Variants in LMNA observed in about 807,000 individuals in gnomAD.
The protein encoded by LMNA is lamin.
In LMNA, 20 loss-of-function variants were observed where a neutral mutation model predicts 70.4. The observed-to-expected ratio is 0.28, with a 90% CI of 0.20 to 0.41. The LOEUF (loss-of-function observed/expected upper bound fraction) is 0.41, where lower values mean the gene tolerates loss of function less well. Among genes scored for constraint, LMNA ranks in the 10% least tolerant of loss-of-function variants. The pLI is 1.00. For synonymous variants in LMNA, 339 were observed against 372.8 expected (o/e 0.91, Z 1.04); for missense variants, 652 against 917.2 (o/e 0.71, Z 3.73).
At chr1:156,124,210 A>T (rs1650388775) in intron 1 of LMNA, among the ~76,000 whole-genome samples, 1 of 151,990 alleles carries the variant, frequency 6.6e-6, no homozygotes, top group Non-Finnish European at 1.5e-5. Flanking sequence ...TGATATTCAG[A>T]ACTTCACAGG....
At chr1:156,100,079 C>A (rs149414391) in intron 3 of LMNA, among the ~76,000 whole-genome samples, 3 of 152,176 alleles carry the variant, frequency 2.0e-5, no homozygotes, top group African/African-American at 7.2e-5. Flanking sequence ...CCACTCAGGA[C>A]CCCTCTGCAT....
intron 3 of LMNA, among the ~76,000 whole-genome samples, chr1:156,101,652 G>A (rs1356354753): frequency 7.4e-6 from 1 of 134,456 alleles, no homozygotes; most frequent in Non-Finnish European, 1.6e-5. Context: ...GGGAGGGAGG[G>A]AGGGAGGGAG....
At chr1:156,096,126 C>T (rs1363552776) in intron 3 of LMNA, among the ~76,000 whole-genome samples, 1 of 152,182 alleles carries the variant, frequency 6.6e-6, no homozygotes, top group Non-Finnish European at 1.5e-5. Context: ...TGATTTTCTC[C>T]CTGGCTTTTC....
chr1:156,082,998 AAGCCCGC>A (rs1648326133), exon 2 of LMNA: 1 of 152,260 alleles, frequency 6.6e-6, no homozygotes, highest in Admixed American at 6.5e-5. Flanking sequence ...AGAGAAGACA[AAGCCCGC>A]AGCAGCGATG....
At chr1:156,111,878 G>A (rs1649553973), upstream of LMNA, among the ~76,000 whole-genome samples, 1 of 152,208 alleles carries the variant, frequency 6.6e-6, no homozygotes, top group Admixed American at 6.5e-5. Flanking sequence ...CCTCCAGCAG[G>A]CTCAGCTCCT....
Position 156,135,369 on chromosome 1 carries a change from C to A in LMNA, c.936+57C>A. The A allele has an allele frequency of 1.9e-6, 2 of 1,026,706 alleles. No individual in the cohort carries two copies. The highest frequency in any genetic ancestry group is 2.8e-6 in the Non-Finnish European group (2 of 723,916). The allele number at this position is 1,026,706 out of a possible 1,614,324, so 63.6% of individuals were successfully genotyped here. A position where few individuals can be genotyped will look rare whatever the true frequency, so the allele number is the denominator to read the frequency against. ...GCCTAGAGTCTGGGCCGGATGCAGG[C>A]TGGAAGCCCAGGGTTGGGGGTGGGG... On this transcript the variant is annotated intron_variant, in intron 5 of 11. Coordinates refer to ENST00000368300, the MANE Select transcript of LMNA (RefSeq NM_170707.4). The surrounding 1 kb of genome is among the most constrained non-coding windows in gnomAD (Gnocchi z 4.8).
intron 1 of LMNA, among the ~76,000 whole-genome samples, chr1:156,125,824 A>C (rs1650526036): frequency 6.6e-6 from 1 of 151,928 alleles, no homozygotes; most frequent in South Asian, 2.1e-4. Context: ...CTCCGTCTCT[A>C]CTAAAAATAG....
chr1:156,139,529 AG>A lies in LMNA; in HGVS notation c.*425del, dbSNP rs1341158282. 2 of 1,362,860 alleles carry A rather than the reference AG, an allele frequency of 1.5e-6. No homozygotes were observed. The highest frequency in any genetic ancestry group is 1.9e-6 in the Non-Finnish European group (2 of 1,060,394). 84.4% of individuals were successfully genotyped at this position (1,362,860 alleles called of 1,614,324 possible). A position where few individuals can be genotyped will look rare whatever the true frequency, so the allele number is the denominator to read the frequency against. On this transcript the variant is annotated 3_prime_UTR_variant, in exon 12 of 12. Transcript: ENST00000368300. Reference sequence around the variant, plus strand: ...CATGGTGCCTGAGAGGCAGGCATAGAGGCTTCTCCGCCAGCCTCCTCTGGAC... The same window carrying A: ...CATGGTGCCTGAGAGGCAGGCATAGAGCTTCTCCGCCAGCCTCCTCTGGAC...
Position 156,139,324 on chromosome 1 carries a change from A to G in LMNA, c.*218A>G, listed in dbSNP as rs1651923044. 2.1e-6 allele frequency: 3 copies of G among 1,412,258 alleles called. No individual in the cohort carries two copies. Among genetic ancestry groups the G allele is most frequent in the African/African-American group, 2.9e-5 (2 of 67,808 alleles). The allele number at this position is 1,412,258 out of a possible 1,614,324, so 87.5% of individuals were successfully genotyped here. On this transcript the variant is annotated 3_prime_UTR_variant, in exon 12 of 12. Transcript: ENST00000368300. ...CAAGCAAAAAAAAAAAAAAGCATCTATCTCATCTATCTCAATCCTAATTTC... is the reference window on the plus strand; with the variant it reads ...CAAGCAAAAAAAAAAAAAAGCATCTGTCTCATCTATCTCAATCCTAATTTC...
chr1:156,101,545 G>A (rs1349028902), intron 3 of LMNA, among the ~76,000 whole-genome samples: 1 of 150,662 alleles, frequency 6.6e-6, no homozygotes, highest in Non-Finnish European at 1.5e-5. Context: ...CTGTGGGAAG[G>A]AGAAACAATG....
chr1:156,089,506 G>C (rs1245347949), intron 2 of LMNA, among the ~76,000 whole-genome samples: 1 of 151,718 alleles, frequency 6.6e-6, no homozygotes, highest in Non-Finnish European at 1.5e-5. Flanking sequence ...ATGTTGGTCA[G>C]GCTGGTCTCG....
chr1:156,111,075 A>T (rs1054214657), upstream of LMNA, among the ~76,000 whole-genome samples: 7 of 152,112 alleles, frequency 4.6e-5, no homozygotes, highest in Admixed American at 1.3e-4. Flanking sequence ...ACTTTCAGGA[A>T]TGGGGGTCAC....
rs1001682649 is a variant in LMNA at position 156,138,822 on chromosome 1, G to A, written c.1968+65G>A. 45 of 1,602,260 alleles carry A rather than the reference G, an allele frequency of 2.8e-5. No individual in the cohort carries two copies. The highest frequency in any genetic ancestry group is 3.8e-5 in the Non-Finnish European group (44 of 1,172,060). Reference sequence around the variant, plus strand: ...GTCCCTGGTCATCGAGGGGTAGGACGAGGTGGCCTTGCAGGGGGGAGAGCC... The same window carrying A: ...GTCCCTGGTCATCGAGGGGTAGGACAAGGTGGCCTTGCAGGGGGGAGAGCC... On this transcript the variant is annotated intron_variant, in intron 11 of 11. Transcript: ENST00000368300. The surrounding 1 kb of genome is among the most constrained non-coding windows in gnomAD (Gnocchi z 5.5).
At chr1:156,111,962 G>A (rs1483643630), upstream of LMNA, among the ~76,000 whole-genome samples, 4 of 152,224 alleles carry the variant, frequency 2.6e-5, no homozygotes, top group African/African-American at 9.6e-5. Flanking sequence ...GACATCTGGA[G>A]TCCAGAGTTA....
intron 1 of LMNA, among the ~76,000 whole-genome samples, chr1:156,118,080 T>A (rs1223270629): frequency 6.7e-6 from 1 of 149,120 alleles, no homozygotes; most frequent in Non-Finnish European, 1.5e-5. Flanking sequence ...TGCCTCGGCC[T>A]CCGGAAGCAC....
intron 1 of LMNA, among the ~76,000 whole-genome samples, chr1:156,120,325 A>C (rs985909148): frequency 2.6e-5 from 4 of 152,168 alleles, no homozygotes; most frequent in Non-Finnish European, 4.4e-5. Flanking sequence ...TCACTTCTCT[A>C]GCTTGGGGGA....
At chr1:156,119,343 C>T (rs1440095809) in intron 1 of LMNA, among the ~76,000 whole-genome samples, 8 of 152,190 alleles carry the variant, frequency 5.3e-5, no homozygotes, top group Non-Finnish European at 1.2e-4. Context: ...GTCTTGATCT[C>T]TTGACCTCGT....
rs1206697343 is a variant in LMNA at position 156,135,839 on chromosome 1, GT to G, written c.937-61del. 1 of 1,445,520 alleles carries G rather than the reference GT, an allele frequency of 6.9e-7. No individual in the cohort carries two copies. The highest frequency in any genetic ancestry group is 1.4e-5 in the African/African-American group (1 of 71,594). The allele number at this position is 1,445,520 out of a possible 1,614,324, so 89.5% of individuals were successfully genotyped here. A position where few individuals can be genotyped will look rare whatever the true frequency, so the allele number is the denominator to read the frequency against. On this transcript the variant is annotated intron_variant, in intron 5 of 11. Transcript: ENST00000368300. This position sits in a 1 kb window ranked among gnomAD's most constrained non-coding sequence, Gnocchi z 4.8. ...CCAGGTGTCTCCTACACCGACCCAC[GT>G]CCCTCCTTCCCCATACTTAGGGCCC...
intron 3 of LMNA, among the ~76,000 whole-genome samples, chr1:156,093,497 G>C (rs923590540): frequency 3.8e-4 from 57 of 150,768 alleles, no homozygotes; most frequent in African/African-American, 1.3e-3. Flanking sequence ...TTAGAGACAG[G>C]GTTTCACCAT....
Sources: gnomAD v4.1 joint callset for allele counts (sites outside exome capture counted in the v4.1 genomes callset) on GRCh38, gnomAD v4.1.1 for gene constraint, Gnocchi (gnomAD v3.1) non-coding constraint, MANE v1.5 for transcripts, NCBI Gene and HGNC (gene_info 2026-07-23, HGNC 2026-07-21) for gene names.